SLC9A9: variants seen among roughly 807,000 people sequenced by gnomAD.
SLC9A9 encodes the protein solute carrier family 9 member A9, also known as sodium/hydrogen exchanger 9.
A neutral mutation model predicts 77.8 loss-of-function variants in SLC9A9; 62 were observed. The ratio of observed to expected loss-of-function variants is 0.80; its 90% CI spans 0.65 to 0.98. The LOEUF is 0.98. Ranked by LOEUF, SLC9A9 falls within the 50% of genes least tolerant of loss-of-function variation. The pLI is 0.00. For missense variants in SLC9A9, 775 were observed against 774.9 expected (o/e 1.00, Z 0.00); for synonymous variants, 320 against 283.5 (o/e 1.13, Z -1.29).
At chr3:143,303,164 T>G (rs1559859341) in intron 14 of SLC9A9, among the ~76,000 whole-genome samples, 1 of 152,118 alleles carries the variant, frequency 6.6e-6, no homozygotes, top group East Asian at 1.9e-4. Context: ...TTTGTACAAA[T>G]TAGAGAGGCC....
intron 5 of SLC9A9, among the ~76,000 whole-genome samples, chr3:143,658,415 C>T (rs2038929563): frequency 6.6e-6 from 1 of 152,158 alleles, no homozygotes; most frequent in Non-Finnish European, 1.5e-5. Context: ...GAGAAGGGCT[C>T]CTGAGATCTT....
intron 5 of SLC9A9, among the ~76,000 whole-genome samples, chr3:143,687,427 T>A (rs1382390148): frequency 6.6e-6 from 1 of 152,136 alleles, no homozygotes. Flanking sequence ...ATTGCACCAA[T>A]TTAGCAGAGA....
intron 12 of SLC9A9, among the ~76,000 whole-genome samples, chr3:143,451,706 C>T (rs1014325309): frequency 6.6e-6 from 1 of 152,050 alleles, no homozygotes; most frequent in African/African-American, 2.4e-5. Context: ...TTTCACACTA[C>T]ATTATAGGTT....
intron 12 of SLC9A9, among the ~76,000 whole-genome samples, chr3:143,440,705 T>G (rs541903731): frequency 2.6e-5 from 4 of 152,322 alleles, no homozygotes; most frequent in African/African-American, 9.6e-5. Context: ...GATACTCTCT[T>G]TGATGTGAAA....
intron 9 of SLC9A9, among the ~76,000 whole-genome samples, chr3:143,535,351 T>C (rs1576560132): frequency 6.6e-6 from 1 of 152,330 alleles, no homozygotes; most frequent in East Asian, 1.9e-4. Flanking sequence ...GAAAGATACA[T>C]GTTAAAAGCT....
intron 8 of SLC9A9, among the ~76,000 whole-genome samples, chr3:143,556,246 A>G (rs1328909903): frequency 2.6e-5 from 4 of 152,176 alleles, no homozygotes; most frequent in African/African-American, 9.7e-5. Context: ...CTTGTGTGTA[A>G]GAAAGAGGGT....
At chr3:143,635,201 T>C (rs2038498854) in intron 6 of SLC9A9, among the ~76,000 whole-genome samples, 2 of 152,118 alleles carry the variant, frequency 1.3e-5, no homozygotes, top group Admixed American at 1.3e-4. Flanking sequence ...TGGCTGTCGC[T>C]CCCTCTCCAG....
intron 6 of SLC9A9, among the ~76,000 whole-genome samples, chr3:143,580,697 T>A (rs1291392981): frequency 1.3e-5 from 2 of 152,234 alleles, no homozygotes; most frequent in African/African-American, 4.8e-5. Flanking sequence ...TGATCTGTAG[T>A]CTGCACTTTG....
intron 7 of SLC9A9, among the ~76,000 whole-genome samples, chr3:143,575,451 C>T (rs910733136): frequency 6.6e-6 from 1 of 152,158 alleles, no homozygotes. Context: ...GTACTCAGAA[C>T]AGTGCCTGGC....
intron 8 of SLC9A9, among the ~76,000 whole-genome samples, chr3:143,567,463 T>C (rs1320029771): frequency 3.3e-5 from 5 of 152,174 alleles, no homozygotes; most frequent in Admixed American, 2.6e-4. Flanking sequence ...TTGCATTTTA[T>C]ATTCTGCCCA....
chr3:143,541,402 G>C (rs977778487), intron 9 of SLC9A9, among the ~76,000 whole-genome samples: 1 of 152,144 alleles, frequency 6.6e-6, no homozygotes, highest in African/African-American at 2.4e-5. Context: ...CGGAAGCCCT[G>C]ATCAACAATT....
intron 4 of SLC9A9, among the ~76,000 whole-genome samples, chr3:143,720,053 G>T (rs977111894): frequency 1.3e-5 from 2 of 151,424 alleles, no homozygotes; most frequent in Non-Finnish European, 2.9e-5. Flanking sequence ...TTTTAAAAAG[G>T]CTTCCAAATG....
intron 9 of SLC9A9, among the ~76,000 whole-genome samples, chr3:143,495,723 T>C (rs988775866): frequency 2.0e-5 from 3 of 152,158 alleles, no homozygotes; most frequent in Non-Finnish European, 4.4e-5. Context: ...CATGGAACAA[T>C]TCCTACTAAG....
intron 7 of SLC9A9, among the ~76,000 whole-genome samples, chr3:143,578,119 A>G (rs1231887636): frequency 6.6e-6 from 1 of 152,140 alleles, no homozygotes; most frequent in African/African-American, 2.4e-5. Flanking sequence ...GCTTGTTTAG[A>G]CCCACAGTGA....
At chr3:143,633,797 T>C (rs1350705912) in intron 6 of SLC9A9, among the ~76,000 whole-genome samples, 2 of 152,242 alleles carry the variant, frequency 1.3e-5, no homozygotes, top group Non-Finnish European at 2.9e-5. Flanking sequence ...AGAGTATTAA[T>C]ATTCTAAAAT....
intron 2 of SLC9A9, among the ~76,000 whole-genome samples, chr3:143,804,521 G>A (rs149514378): frequency 0.019 from 2,863 of 152,162 alleles, 80 homozygotes; most frequent in African/African-American, 0.053. Context: ...ACCCCTTTCA[G>A]CACTCCTTCT....
chr3:143,288,363 T>C (rs892071640), intron 14 of SLC9A9, among the ~76,000 whole-genome samples: 1 of 152,204 alleles, frequency 6.6e-6, no homozygotes, highest in Non-Finnish European at 1.5e-5. Context: ...GCTCAGGTTC[T>C]ACTTGTTCGC....
intron 12 of SLC9A9, among the ~76,000 whole-genome samples, chr3:143,430,781 C>T (rs1030243419): frequency 2.6e-5 from 4 of 152,214 alleles, no homozygotes; most frequent in Admixed American, 6.5e-5. Flanking sequence ...GGCATGGTCA[C>T]GTGACCCAGT....
At chr3:143,573,896 G>T (rs911081960) in intron 8 of SLC9A9, among the ~76,000 whole-genome samples, 192 bp downstream of exon 8, 1 of 152,124 alleles carries the variant, frequency 6.6e-6, no homozygotes, top group African/African-American at 2.4e-5. Flanking sequence ...AAGCTGTTTG[G>T]TACAAAATGG....
Sources: allele counts gnomAD v4.1 joint callset (sites outside exome capture counted in the v4.1 genomes callset), GRCh38; gene constraint gnomAD v4.1.1; transcripts MANE v1.5; gene names NCBI Gene and HGNC (gene_info 2026-07-23, HGNC 2026-07-21).